ENAH: variants seen among roughly 807,000 people sequenced by gnomAD.
ENAH encodes protein enabled homolog.
In ENAH, 23 loss-of-function variants were observed where a neutral mutation model predicts 78.7. The ratio of observed to expected loss-of-function variants is 0.29; its 90% CI spans 0.21 to 0.41. The LOEUF is 0.41. Among genes scored for constraint, ENAH ranks in the 10% least tolerant of loss-of-function variants. ENAH has a pLI of 1.00. For missense variants in ENAH, 544 were observed against 691.0 expected, an observed-to-expected ratio of 0.79 and a Z score of 2.39; for synonymous variants, 226 against 241.0, an observed-to-expected ratio of 0.94 and a Z score of 0.58.
chr1:225,593,418 T>TGTGG (rs2096887694), intron 1 of ENAH, among the ~76,000 whole-genome samples: 1 of 41,910 alleles, frequency 2.4e-5, no homozygotes, highest in Non-Finnish European at 4.4e-5. Flanking sequence ...GGGGGGGGGG[T>TGTGG]GGGGGGTGCC....
Position 225,498,373 on chromosome 1 carries a change from G to C in ENAH, c.1649C>G (p.Thr550Arg), listed in dbSNP as rs1319229014. 41 of 1,595,764 alleles carry C rather than the reference G, an allele frequency of 2.6e-5. No individual in the cohort carries two copies. Among genetic ancestry groups the C allele is most frequent in the Non-Finnish European group, 3.4e-5 (40 of 1,167,144 alleles). The change falls in exon 13 of 14, where the codon ACA becomes AGA. Residue 550 changes from threonine to arginine, a missense_variant. Physicochemically the swap from Thr to Arg is moderately conservative, Grantham distance 71. Transcript: ENST00000366843. ...DILDEMRKEL[T>R]KLKEELIDAI... ...ATCAATGAGCTCTTCTTTTAGCTTT[G>C]TTAATTCTTTTCTCATTTCATCTAA...
chr1:225,585,165 G>A (rs1393714020), intron 1 of ENAH, among the ~76,000 whole-genome samples: 1 of 121,322 alleles, frequency 8.2e-6, no homozygotes, highest in East Asian at 2.8e-4. Context: ...GCAGCAAGCT[G>A]AGCTCATGCC....
intron 2 of ENAH, among the ~76,000 whole-genome samples, chr1:225,566,018 TC>T (rs2096733256): frequency 6.6e-6 from 1 of 152,190 alleles, no homozygotes. Context: ...AAAGTTCATC[TC>T]CACGCAGGCA....
chr1:225,653,131 C>G (rs1289425894), upstream of ENAH: 1 of 151,440 alleles, frequency 6.6e-6, no homozygotes, highest in Non-Finnish European at 1.5e-5. This position sits in a 1 kb window ranked among gnomAD's most constrained non-coding sequence, Gnocchi z 4.3. Flanking sequence ...GTCGGGATCG[C>G]CGCGAGGAAC....
chr1:225,496,605 CA>C lies in ENAH; in HGVS notation c.*1169del, dbSNP rs1414811573. ...CACAGTTAAGATATTATGTGAAGCT[CA>C]GAATCATGTTTCAGACCATTGAAAT... On this transcript the variant is annotated 3_prime_UTR_variant, in exon 14 of 14. Transcript: ENST00000366843. The C allele has an allele frequency of 6.6e-6, 1 of 152,630 alleles. No homozygotes were observed. Among genetic ancestry groups the C allele is most frequent in the Non-Finnish European group, 1.5e-5 (1 of 68,040 alleles). 9.5% of individuals were successfully genotyped at this position (152,630 alleles called of 1,614,324 possible).
At chr1:225,522,326 C>G (rs1295815329) in intron 4 of ENAH, among the ~76,000 whole-genome samples, 1 of 152,156 alleles carries the variant, frequency 6.6e-6, no homozygotes, top group Non-Finnish European at 1.5e-5. Flanking sequence ...ACATCAACCC[C>G]ACTGCTCTCA....
chr1:225,607,970 C>T (rs1415688559), intron 1 of ENAH, among the ~76,000 whole-genome samples: 1 of 151,650 alleles, frequency 6.6e-6, no homozygotes, highest in Admixed American at 6.6e-5. Context: ...TAAGTCTGAA[C>T]AGATAGGCAA....
At chr1:225,542,492 C>A (rs1396261425) in intron 3 of ENAH, among the ~76,000 whole-genome samples, 1 of 152,184 alleles carries the variant, frequency 6.6e-6, no homozygotes, top group Non-Finnish European at 1.5e-5. Context: ...CCATGGGAAT[C>A]CTATTGCCCT....
chr1:225,629,817 CA>C (rs1004639740), intron 1 of ENAH, among the ~76,000 whole-genome samples: 1 of 152,142 alleles, frequency 6.6e-6, no homozygotes, highest in African/African-American at 2.4e-5. Context: ...CAATTAACTC[CA>C]GATTATTCGT....
chr1:225,530,471 C>T, intron 4 of ENAH, 83 bp downstream of exon 4: 1 of 1,129,870 alleles, frequency 8.9e-7, no homozygotes, highest in East Asian at 2.4e-5. Flanking sequence ...GCTGATAAGA[C>T]ATAATCTACT....
intron 3 of ENAH, among the ~76,000 whole-genome samples, chr1:225,546,256 A>G (rs755574552): frequency 6.6e-6 from 1 of 152,190 alleles, no homozygotes; most frequent in Non-Finnish European, 1.5e-5. Flanking sequence ...AAACTTTAAG[A>G]GGATAAGCTA....
intron 2 of ENAH, among the ~76,000 whole-genome samples, chr1:225,556,378 T>C (rs1176166538): frequency 6.6e-6 from 1 of 152,222 alleles, no homozygotes; most frequent in African/African-American, 2.4e-5. Context: ...TTACAACTGG[T>C]ACTGTCAGTC....
At chr1:225,526,527 C>A (rs2096506838) in intron 4 of ENAH, among the ~76,000 whole-genome samples, 1 of 151,854 alleles carries the variant, frequency 6.6e-6, no homozygotes, top group Non-Finnish European at 1.5e-5. Flanking sequence ...TTAGTAGAGA[C>A]CGGGTTTCAC....
intron 1 of ENAH, among the ~76,000 whole-genome samples, chr1:225,588,801 C>CAAAAAAAAAAAAAAAAAAAAAA: frequency 1.3e-5 from 1 of 78,432 alleles, no homozygotes; most frequent in Non-Finnish European, 2.5e-5. Context: ...AAGTCTGTGT[C>CAAAAAAAAAAAAAAAAAAAAAA]AAAAAAAAAA....
rs1247609079 is a variant in ENAH, at chr1:225,492,832, A to C, written c.*4943T>G. ...TAAATGTGGCAGACATTCTTACAAC[A>C]TCCTAAGTCATTATGACAGTCATTT... is the stretch of plus-strand genomic sequence containing the variant. On this transcript the variant is annotated 3_prime_UTR_variant, in exon 14 of 14. Coordinates refer to ENST00000366843, the MANE Select transcript of ENAH (RefSeq NM_018212.6). 2 of 101,866 alleles carry C rather than the reference A, an allele frequency of 2.0e-5. No homozygotes were observed. Among genetic ancestry groups the C allele is most frequent in the Non-Finnish European group, 3.9e-5 (2 of 50,794 alleles). The allele number at this position is 101,866 out of a possible 1,614,324, so 6.3% of individuals were successfully genotyped here.
intron 2 of ENAH, among the ~76,000 whole-genome samples, chr1:225,557,084 CA>C (rs1182021601): frequency 6.6e-6 from 1 of 152,140 alleles, no homozygotes; most frequent in Non-Finnish European, 1.5e-5. Flanking sequence ...CTTCCTGTTT[CA>C]TTCTTCAAAA....
chr1:225,638,517 A>G (rs1660460134), intron 1 of ENAH, among the ~76,000 whole-genome samples: 1 of 152,216 alleles, frequency 6.6e-6, no homozygotes, highest in African/African-American at 2.4e-5. Context: ...GCAATGGGTC[A>G]TACCTATGCA....
intron 1 of ENAH, among the ~76,000 whole-genome samples, chr1:225,649,717 C>A (rs1662614572): frequency 6.6e-6 from 1 of 152,100 alleles, no homozygotes; most frequent in Admixed American, 6.5e-5. Context: ...TACTCAAATG[C>A]CTATGACCGT....
Position 225,519,402 on chromosome 1 carries a change from G to T in ENAH, c.598C>A (p.Arg200=), listed in dbSNP as rs374911786. Residue 200 remains arginine (R), a synonymous_variant, in exon 5 of 14, where the codon CGG becomes AGG. Coordinates refer to ENST00000366843, the MANE Select transcript of ENAH (RefSeq NM_018212.6). ...TCCTGCCGCTCCAGGCGTTCCTGCCGTTCCCGTTCTTGTCTCTCTCTCTCC... is the reference window on the plus strand; with the variant it reads ...TCCTGCCGCTCCAGGCGTTCCTGCCTTTCCCGTTCTTGTCTCTCTCTCTCC... The part of the protein sequence containing the change: ...QLERERQERE[R]QERLERQERL... 10 of 1,613,276 alleles carry T rather than the reference G, an allele frequency of 6.2e-6. No homozygotes were observed. The highest frequency in any genetic ancestry group is 1.1e-5 in the South Asian group (1 of 91,056).
Sources: allele counts gnomAD v4.1 joint callset (sites outside exome capture counted in the v4.1 genomes callset), GRCh38; gene constraint gnomAD v4.1.1; non-coding constraint Gnocchi (gnomAD v3.1); transcripts MANE v1.5; gene names NCBI Gene and HGNC (gene_info 2026-07-23, HGNC 2026-07-21).